The following HDAC5 variants were observed in gnomAD, a reference collection of about 807,000 sequenced individuals.
The protein encoded by HDAC5 is histone deacetylase 5.
A neutral mutation model predicts 133.3 loss-of-function variants in HDAC5; 25 were observed. The observed-to-expected ratio is 0.19, with a 90% CI of 0.14 to 0.26. The LOEUF is 0.26. HDAC5 is among the 10% of genes least tolerant of loss of function. The probability of loss-of-function intolerance (pLI) is 1.00; values close to 1 mark genes in which losing one functional copy is unlikely to be tolerated. For synonymous variants in HDAC5, 589 were observed against 610.8 expected (o/e 0.96, Z 0.53); for missense variants, 1,041 against 1,460.5 (o/e 0.71, Z 4.68).
chr17:44,114,437 T>TG (rs34078340), intron 2 of HDAC5, among the ~76,000 whole-genome samples: 14,411 of 127,410 alleles, frequency 0.11, 699 homozygotes, highest in African/African-American at 0.12. Context: ...AGAGCAGGCG[T>TG]GGGGGGGGGG....
At chr17:44,111,262 A>C (rs2143569454) in intron 2 of HDAC5, 1 of 297,198 alleles carries the variant, frequency 3.4e-6, no homozygotes, top group East Asian at 8.4e-5. Context: ...CAGGAGACTG[A>C]AATAGCAGTT....
chr17:44,084,739 C>T, intron 15 of HDAC5, 64 bp from the exon 16 acceptor site: 1 of 1,582,338 alleles, frequency 6.3e-7, no homozygotes, highest in Non-Finnish European at 8.6e-7. Context: ...CTCTCTGCCC[C>T]ATAGCCAGGG....
intron 3 of HDAC5, among the ~76,000 whole-genome samples, chr17:44,101,987 C>A (rs148536824): frequency 1.5e-3 from 228 of 152,332 alleles, no homozygotes; most frequent in African/African-American, 5.1e-3. Context: ...GGAAGATCAC[C>A]GACCAAGTGG....
intron 13 of HDAC5, among the ~76,000 whole-genome samples, chr17:44,087,019 C>G (rs1193256128): frequency 1.3e-5 from 2 of 151,196 alleles, no homozygotes; most frequent in South Asian, 4.2e-4. Context: ...GAGTCAGGCC[C>G]GGAGGGCTCG....
At chr17:44,120,825 T>C (rs887198432) in intron 1 of HDAC5, among the ~76,000 whole-genome samples, 2 of 151,404 alleles carry the variant, frequency 1.3e-5, no homozygotes, top group Non-Finnish European at 2.9e-5. Context: ...CTCCTGACCA[T>C]GGCCACAGCC....
At position 44,117,618 on chromosome 17, in the gene HDAC5, G is replaced by T; in HGVS notation, c.-103C>A. 1 of 1,412,682 alleles carries T rather than the reference G, an allele frequency of 7.1e-7. No individual in the cohort carries two copies. 87.5% of individuals were successfully genotyped at this position (1,412,682 alleles called of 1,614,324 possible). A position where few individuals can be genotyped will look rare whatever the true frequency, so the allele number is the denominator to read the frequency against. On this transcript the variant is annotated 5_prime_UTR_variant, in exon 2 of 27. Coordinates refer to ENST00000682912, the MANE Select transcript of HDAC5 (RefSeq NM_005474.5). This position sits in a 1 kb window ranked among gnomAD's most constrained non-coding sequence, Gnocchi z 4.2. ...ACAGACGATAACAGACAGACGGACG[G>T]GACGGGAGCCCGGGGCCGCCGTGCC... is the stretch of plus-strand genomic sequence containing the variant.
At chr17:44,087,243 C>G (rs995439284) in intron 13 of HDAC5, among the ~76,000 whole-genome samples, 169 bp downstream of exon 13, 1 of 151,924 alleles carries the variant, frequency 6.6e-6, no homozygotes, top group Admixed American at 6.6e-5. Context: ...AACAGCTCCC[C>G]CTTCTCCCCA....
Position 44,091,716 on chromosome 17 carries a change from G to T in HDAC5, c.1148C>A (p.Thr383Asn). The change falls in exon 10 of 27, where the codon ACC becomes AAC. Residue 383 changes from threonine to asparagine, a missense_variant. Physicochemically the swap from Thr to Asn is moderately conservative, Grantham distance 65 (BLOSUM62 0). Around this residue, in one of 9 missense-constraint regions of HDAC5, gnomAD observed 433 missense variants for 531.6 expected, o/e 0.81. Transcript: ENST00000682912. The part of the protein sequence containing the change: ...SLGLQATVTV[T>N]NSHLTASPKL... ...TGTACTTACAGTGAGGTGTGAGTTG[G>T]TGACAGTGACCGTGGCCTGCAGCCC... 3 of 1,575,808 alleles carry T rather than the reference G, an allele frequency of 1.9e-6. No individual in the cohort carries two copies. Among genetic ancestry groups the T allele is most frequent in the Non-Finnish European group, 2.6e-6 (3 of 1,161,840 alleles).
At chr17:44,111,412 G>A (rs1251806887) in intron 2 of HDAC5, 3 of 375,670 alleles carry the variant, frequency 8.0e-6, no homozygotes, top group Non-Finnish European at 1.6e-5. Flanking sequence ...GGGAGGGCCT[G>A]CACTCAGGGC....
intron 11 of HDAC5, 147 bp from the exon 12 acceptor site, chr17:44,088,745 C>G (rs895588945): frequency 7.8e-6 from 9 of 1,159,792 alleles, no homozygotes; most frequent in African/African-American, 4.6e-5. Flanking sequence ...AAGCACCCCC[C>G]ACCCAAACCT....
rs763408264 is a variant in HDAC5, at chr17:44,082,505, T to A, written c.2607+80A>T. 9.7e-6 allele frequency: 11 copies of A among 1,131,388 alleles called. No homozygotes were observed. In the East Asian group the frequency reaches 2.6e-4, roughly 27 times the overall value. 70.1% of individuals were successfully genotyped at this position (1,131,388 alleles called of 1,614,324 possible). On this transcript the variant is annotated intron_variant, in intron 20 of 26. Transcript: ENST00000682912. Reference sequence around the variant, plus strand: ...CGACTGGGGTGCTTGAAGGTGGGGCTGGGGGAGGAGACTTCCTGAAGGCTG... The same window carrying A: ...CGACTGGGGTGCTTGAAGGTGGGGCAGGGGGAGGAGACTTCCTGAAGGCTG...
chr17:44,104,374 T>C (rs1005220880), intron 3 of HDAC5, among the ~76,000 whole-genome samples: 4 of 152,170 alleles, frequency 2.6e-5, no homozygotes, highest in Non-Finnish European at 5.9e-5. Context: ...CCCAAATCTT[T>C]TAAGTGGGGC....
In HDAC5 at chr17:44,093,564, C is replaced by G. The variant is rs751123714; in HGVS notation, c.354+11G>C. On this transcript the variant is annotated intron_variant, in intron 4 of 26. Coordinates refer to ENST00000682912, the MANE Select transcript of HDAC5 (RefSeq NM_005474.5). The stretch of plus-strand genomic sequence containing the variant: ...GAGGTCTGGGCGGCCCCCCGCACCC[C>G]CCTCGCTCACCTTGAGGTGCTTCTG... 9.4e-6 allele frequency: 15 copies of G among 1,601,278 alleles called. No homozygotes were observed. The Admixed American group carries it at 1.0e-4, about 11-fold the overall frequency.
rs894358295 is a variant in HDAC5 at position 44,085,042 on chromosome 17, C to T, written c.2164G>A (p.Gly722Ser). 6 of 1,592,332 alleles carry T rather than the reference C, an allele frequency of 3.8e-6. No individual in the cohort carries two copies. The Middle Eastern group carries it at 5.0e-4, about 134-fold the overall frequency. The change falls in exon 15 of 27, where the codon GGC (glycine) becomes AGC (serine). Residue 722 changes from glycine to serine, a missense_variant. This residue lies in a region of HDAC5 where 42 missense variants were observed against 101.7 expected (regional missense o/e 0.41). Coordinates refer to ENST00000682912, the MANE Select transcript of HDAC5 (RefSeq NM_005474.5). ...CTTACCTCGCACTTGCTAAGCAGGC[C>T]TGTCTCCTGCAGCCGGGACCAGATG... ...QSIWSRLQETGLLSKCERIRG... is the reference protein window; with the variant it reads ...QSIWSRLQETSLLSKCERIRG...
chr17:44,093,960 A>T lies in HDAC5; in HGVS notation c.95-126T>A, dbSNP rs992255687. The T allele has an allele frequency of 9.6e-5, 117 of 1,224,416 alleles. No individual in the cohort carries two copies. In the African/African-American group the frequency reaches 1.8e-3, roughly 19 times the overall value. 75.8% of individuals were successfully genotyped at this position (1,224,416 alleles called of 1,614,324 possible). ...AGAGAACAGAGACAGAGAGGAAGTC[A>T]AATCCCTCTGCTCCATGGATGCAAC... On this transcript the variant is annotated intron_variant, in intron 3 of 26. Coordinates refer to ENST00000682912, the MANE Select transcript of HDAC5 (RefSeq NM_005474.5).
rs942069289 is a variant in HDAC5, at chr17:44,084,952, G to A, written c.2184+70C>T. On this transcript the variant is annotated intron_variant, in intron 15 of 26. Transcript: ENST00000682912. The stretch of plus-strand genomic sequence containing the variant: ...AGAGGATGAGGAAGAAGCATGAAGA[G>A]AGGCTTATCTAACAGGGAAACAAAG... 3.3e-6 allele frequency: 5 copies of A among 1,527,094 alleles called. No individual in the cohort carries two copies. In the African/African-American group the frequency reaches 6.8e-5, roughly 21 times the overall value. The allele number at this position is 1,527,094 out of a possible 1,614,324, so 94.6% of individuals were successfully genotyped here. A position where few individuals can be genotyped will look rare whatever the true frequency, so the allele number is the denominator to read the frequency against.
intron 2 of HDAC5, among the ~76,000 whole-genome samples, chr17:44,113,087 T>A (rs1231817130): frequency 1.3e-5 from 2 of 152,030 alleles, no homozygotes; most frequent in Non-Finnish European, 2.9e-5. Flanking sequence ...CCAGGACTCC[T>A]CCCACCCACG....
At chr17:44,094,344 C>A (rs1051912475) in intron 3 of HDAC5, among the ~76,000 whole-genome samples, 30 of 148,634 alleles carry the variant, frequency 2.0e-4, no homozygotes, top group African/African-American at 7.0e-4. Flanking sequence ...AAACAAAAAA[C>A]AAAAAGGGGG....
Position 44,117,564 on chromosome 17 carries a change from G to A in HDAC5, c.-49C>T. Reference sequence around the variant, plus strand: ...CTGGCGTTGGGGGCTGGGACGGGAGGGGGTGGAGCTGCGGTGATGTCAAGA... The same window carrying A: ...CTGGCGTTGGGGGCTGGGACGGGAGAGGGTGGAGCTGCGGTGATGTCAAGA... On this transcript the variant is annotated 5_prime_UTR_variant, in exon 2 of 27. Coordinates refer to ENST00000682912, the MANE Select transcript of HDAC5 (RefSeq NM_005474.5). This position sits in a 1 kb window ranked among gnomAD's most constrained non-coding sequence, Gnocchi z 4.2. 1 of 1,603,764 alleles carries A rather than the reference G, an allele frequency of 6.2e-7. No individual in the cohort carries two copies. The highest frequency in any genetic ancestry group is 8.5e-7 in the Non-Finnish European group (1 of 1,173,098).
Sources: allele counts gnomAD v4.1 joint callset (sites outside exome capture counted in the v4.1 genomes callset), GRCh38; gene constraint gnomAD v4.1.1; regional missense constraint gnomAD v4.1.1; non-coding constraint Gnocchi (gnomAD v3.1); transcripts MANE v1.5; gene names NCBI Gene and HGNC (gene_info 2026-07-23, HGNC 2026-07-21).